Variants in NRXN3 observed in about 807,000 individuals in gnomAD.
NRXN3 encodes the protein neurexin III.
Under a neutral mutation model 137.6 loss-of-function variants are expected in NRXN3, and 32 were observed. The ratio of observed to expected loss-of-function variants is 0.23; its 90% CI spans 0.18 to 0.31. NRXN3 has a LOEUF of 0.31. Ranked by LOEUF, NRXN3 falls within the 10% of genes least tolerant of loss-of-function variation. The pLI is 1.00. For synonymous variants in NRXN3, 798 were observed against 784.5 expected, an observed-to-expected ratio of 1.02 and a Z score of -0.29; for missense variants, 1,574 against 2,062.5, an observed-to-expected ratio of 0.76 and a Z score of 4.59.
chr14:79,472,184 A>G (rs2096518622), intron 16 of NRXN3, among the ~76,000 whole-genome samples: 2 of 152,160 alleles, frequency 1.3e-5, no homozygotes, highest in African/African-American at 4.8e-5. Context: ...ATTCTTTTTT[A>G]TGGCTGAAGA....
At chr14:79,486,233 A>G (rs1158490344) in intron 16 of NRXN3, among the ~76,000 whole-genome samples, 2 of 152,186 alleles carry the variant, frequency 1.3e-5, no homozygotes, top group Non-Finnish European at 2.9e-5. Context: ...CCAAGGCCCA[A>G]TTTAACTCCC....
At chr14:78,490,068 C>T (rs1014071007) in intron 4 of NRXN3, among the ~76,000 whole-genome samples, 1 of 152,096 alleles carries the variant, frequency 6.6e-6, no homozygotes, top group African/African-American at 2.4e-5. Context: ...GCACATGCCA[C>T]CATGCCTGGC....
chr14:78,888,126 A>G (rs917586629), intron 10 of NRXN3, among the ~76,000 whole-genome samples: 4 of 152,052 alleles, frequency 2.6e-5, no homozygotes, highest in Non-Finnish European at 4.4e-5. Flanking sequence ...ATTTGTGCCT[A>G]ATTTCCAGCT....
intron 8 of NRXN3, among the ~76,000 whole-genome samples, chr14:78,718,797 A>G (rs1296567145): frequency 2.0e-5 from 3 of 152,200 alleles, no homozygotes; most frequent in Admixed American, 2.0e-4. Context: ...TTTGTTGGCT[A>G]TTCATAGTGA....
rs181473097 is a variant in NRXN3 at position 79,323,504 on chromosome 14, G to A, written c.3263-143717G>A. On this transcript the variant is annotated intron_variant, in intron 15 of 20. Coordinates refer to ENST00000335750, the MANE Select transcript of NRXN3 (RefSeq NM_001330195.2). ...AGTTAATGAAGCATGAGACATTAGG[G>A]TTCCCATATTTAGTTTAGATCTATG... Among the ~76,000 whole-genome samples the A allele has an allele frequency of 4.6e-5, 7 of 152,284 alleles. No homozygotes were observed. The East Asian group carries it at 1.4e-3, about 29-fold the overall frequency.
At chr14:79,491,782 A>G (rs939147953) in intron 16 of NRXN3, among the ~76,000 whole-genome samples, 5 of 152,154 alleles carry the variant, frequency 3.3e-5, no homozygotes, top group African/African-American at 1.2e-4. Flanking sequence ...AGGCAGGGCA[A>G]TCTCCTTTGT....
At chr14:79,434,554 G>A (rs545195724) in intron 15 of NRXN3, among the ~76,000 whole-genome samples, 6 of 152,328 alleles carry the variant, frequency 3.9e-5, no homozygotes, top group African/African-American at 1.4e-4. Flanking sequence ...ACTCATGTCA[G>A]TGGTGCAGGT....
rs2099418432 is a variant in NRXN3, at chr14:79,867,276, A to G, written c.*5312A>G. 1 of 152,148 alleles carries G rather than the reference A, an allele frequency of 6.6e-6. No individual in the cohort carries two copies. 9.4% of individuals were successfully genotyped at this position (152,148 alleles called of 1,614,324 possible). A position where few individuals can be genotyped will look rare whatever the true frequency, so the allele number is the denominator to read the frequency against. On this transcript the variant is annotated 3_prime_UTR_variant, in exon 21 of 21. Transcript: ENST00000335750. Reference sequence around the variant, plus strand: ...AGTGGAAGCTAAGGCAGGAAATGAGAGGATATTGTGTTAGTCTACTGGGAT... The same window carrying G: ...AGTGGAAGCTAAGGCAGGAAATGAGGGGATATTGTGTTAGTCTACTGGGAT...
intron 4 of NRXN3, among the ~76,000 whole-genome samples, chr14:78,436,797 A>T (rs2094082878): frequency 6.6e-6 from 1 of 152,182 alleles, no homozygotes; most frequent in Non-Finnish European, 1.5e-5. Flanking sequence ...TGATTCTGTC[A>T]TGATAGTTCT....
At chr14:78,396,299 A>C (rs576924380) in intron 4 of NRXN3, among the ~76,000 whole-genome samples, 1 of 152,144 alleles carries the variant, frequency 6.6e-6, no homozygotes, top group South Asian at 2.1e-4. Context: ...TATAATTTTA[A>C]ATATTTTGCC....
At chr14:79,437,088 C>T (rs546216949) in intron 15 of NRXN3, among the ~76,000 whole-genome samples, 1 of 152,120 alleles carries the variant, frequency 6.6e-6, no homozygotes, top group Non-Finnish European at 1.5e-5. Context: ...GAATCTATCT[C>T]TAGCCTACCT....
intron 10 of NRXN3, among the ~76,000 whole-genome samples, chr14:78,891,701 G>A (rs1015569522): frequency 3.3e-5 from 5 of 151,926 alleles, no homozygotes; most frequent in East Asian, 1.9e-4. Context: ...ATGGATCATA[G>A]CATATTCATA....
At chr14:78,801,042 C>G (rs369567321) in intron 8 of NRXN3, among the ~76,000 whole-genome samples, 34 of 152,306 alleles carry the variant, frequency 2.2e-4, no homozygotes, top group African/African-American at 7.9e-4. Flanking sequence ...ATACATGAGG[C>G]CGGGCGCAGT....
At chr14:79,467,546 A>G in intron 16 of NRXN3, 144 bp downstream of exon 16, 1 of 702,050 alleles carries the variant, frequency 1.4e-6, no homozygotes. Context: ...GAACCATCAT[A>G]TTTACAGGGT....
intron 15 of NRXN3, among the ~76,000 whole-genome samples, chr14:79,401,432 C>T (rs919920639): frequency 2.6e-5 from 4 of 152,172 alleles, no homozygotes; most frequent in South Asian, 2.1e-4. Flanking sequence ...CTTACTGACT[C>T]AGAAACTCTG....
At position 78,535,657 on chromosome 14, in the gene NRXN3, A is replaced by G. The variant is rs112980613; in HGVS notation, c.758-109463A>G. On this transcript the variant is annotated intron_variant, in intron 4 of 20. Transcript: ENST00000335750. ...ACTAAAAAGTCCGAAGGATGATATG[A>G]TGTAGTTGAAAGAGGATGCACTTAG... Among the ~76,000 whole-genome samples the G allele has an allele frequency of 2.0e-4, 31 of 152,290 alleles. 1 individual carries two copies. Among genetic ancestry groups the G allele is most frequent in the African/African-American group, 6.7e-4 (28 of 41,572 alleles).
intron 15 of NRXN3, among the ~76,000 whole-genome samples, chr14:79,382,581 C>T (rs942543943): frequency 6.6e-6 from 1 of 152,086 alleles, no homozygotes; most frequent in Non-Finnish European, 1.5e-5. Flanking sequence ...TATTAGGACT[C>T]CACATTAACT....
At chr14:78,720,553 C>A (rs917850126) in intron 8 of NRXN3, among the ~76,000 whole-genome samples, 2 of 152,076 alleles carry the variant, frequency 1.3e-5, no homozygotes, top group East Asian at 3.9e-4. Context: ...TGTCCTTGGG[C>A]ATTTTCTTTT....
At chr14:79,768,992 C>A (rs1270583567) in intron 19 of NRXN3, among the ~76,000 whole-genome samples, 3 of 151,488 alleles carry the variant, frequency 2.0e-5, no homozygotes, top group Non-Finnish European at 4.4e-5. Flanking sequence ...GCCTCAGGAG[C>A]CGATGCGATC....
Sources: allele counts gnomAD v4.1 joint callset (sites outside exome capture counted in the v4.1 genomes callset), GRCh38; gene constraint gnomAD v4.1.1; transcripts MANE v1.5; gene names NCBI Gene and HGNC (gene_info 2026-07-23, HGNC 2026-07-21).